The following HTRA3 variants were observed in gnomAD, a reference collection of about 807,000 sequenced individuals.
HTRA3 encodes HtrA serine peptidase 3.
A neutral mutation model predicts 43.2 loss-of-function variants in HTRA3; 41 were observed. The ratio of observed to expected loss-of-function variants is 0.95; its 90% CI spans 0.74 to 1.23. HTRA3 has a LOEUF of 1.23. HTRA3 is among the 50% of genes most tolerant of loss of function. The pLI is 0.00. For synonymous variants in HTRA3, 295 were observed against 287.9 expected (o/e 1.02, Z -0.25); for missense variants, 628 against 647.1 (o/e 0.97, Z 0.32).
chr4:8,300,740 T>G (rs546839057), intron 6 of HTRA3, among the ~76,000 whole-genome samples: 1 of 152,098 alleles, frequency 6.6e-6, no homozygotes, highest in Non-Finnish European at 1.5e-5. Flanking sequence ...TGATTTACAC[T>G]CTTCATTGAT....
At chr4:8,281,943 G>A (rs1358747634) in intron 1 of HTRA3, among the ~76,000 whole-genome samples, 1 of 152,206 alleles carries the variant, frequency 6.6e-6, no homozygotes, top group Non-Finnish European at 1.5e-5. Flanking sequence ...TCACCTGGGG[G>A]TCTTCCACTA....
At chr4:8,304,582 G>A (rs1293686862) in intron 8 of HTRA3, among the ~76,000 whole-genome samples, 2 of 151,690 alleles carry the variant, frequency 1.3e-5, no homozygotes, top group African/African-American at 2.4e-5. Context: ...GACCAGCCTG[G>A]GTCCTGGGTC....
chr4:8,288,928 T>TCCTTCCTC (rs1336656138), intron 3 of HTRA3, among the ~76,000 whole-genome samples: 3 of 143,374 alleles, frequency 2.1e-5, no homozygotes, highest in Non-Finnish European at 4.5e-5. Context: ...CTTCCTTCCT[T>TCCTTCCTC]CCTTCCTCCC....
At chr4:8,293,118 G>A (rs1262125385) in intron 5 of HTRA3, among the ~76,000 whole-genome samples, 1 of 152,222 alleles carries the variant, frequency 6.6e-6, no homozygotes, top group Non-Finnish European at 1.5e-5. Flanking sequence ...ACAATGAAAG[G>A]GGCTGGTGGC....
Position 8,294,098 on chromosome 4 carries a change from C to G in HTRA3, c.948C>G (p.Val316=), listed in dbSNP as rs1337494996. ...ACCTCCCTGCCCAGGATGGCGAGGT[C>G]ATTGGCATCAACACGCTCAAGGTCA... ...GGPLVNLDGE[V]IGINTLKVTA... The change falls in exon 6 of 9, where the codon GTC becomes GTG. Residue 316 remains valine (V), a synonymous_variant. Coordinates refer to ENST00000307358, the MANE Select transcript of HTRA3 (RefSeq NM_053044.5). 6.2e-7 allele frequency: 1 copy of G among 1,610,118 alleles called. No homozygotes were observed. The highest frequency in any genetic ancestry group is 1.7e-5 in the Admixed American group (1 of 59,710).
At chr4:8,270,434 G>A (rs1712222721) in intron 1 of HTRA3, 81 bp downstream of exon 1, 1 of 1,339,918 alleles carries the variant, frequency 7.5e-7, no homozygotes, top group Admixed American at 4.1e-5. Flanking sequence ...CCGAGCTCGA[G>A]GTCGCCCTTC....
intron 7 of HTRA3, among the ~76,000 whole-genome samples, chr4:8,302,759 G>A (rs1277593660): frequency 6.6e-6 from 1 of 152,206 alleles, no homozygotes; most frequent in African/African-American, 2.4e-5. Context: ...ATTACTATAA[G>A]CCTGGTGGCT....
intron 1 of HTRA3, among the ~76,000 whole-genome samples, chr4:8,277,403 C>T (rs946945830): frequency 2.0e-5 from 3 of 152,168 alleles, no homozygotes; most frequent in South Asian, 4.1e-4. Flanking sequence ...CCCACTGCAG[C>T]GGGCCAGGTC....
chr4:8,291,376 C>G lies in HTRA3; in HGVS notation c.715C>G (p.Leu239Val). The change falls in exon 4 of 9, where the codon CTC becomes GTC. Residue 239 changes from leucine (L) to valine (V), a missense_variant. Leu to Val is a conservative substitution (Grantham distance 32). Transcript: ENST00000307358. ...ATIKIHPKKK[L>V]PVLLLGHSAD... ...TTCTCCTTCTCTCTCCTAGAAAAAG[C>G]TCCCTGTGTTGTTGCTGGGTCACTC... The G allele has an allele frequency of 6.2e-7, 1 of 1,613,398 alleles. No individual in the cohort carries two copies. The highest frequency in any genetic ancestry group is 1.1e-5 in the South Asian group (1 of 91,086).
chr4:8,300,677 T>G (rs1713604119), intron 6 of HTRA3, among the ~76,000 whole-genome samples: 1 of 152,196 alleles, frequency 6.6e-6, no homozygotes, highest in African/African-American at 2.4e-5. Flanking sequence ...TCAGCTTTAT[T>G]TTTTATTTTC....
rs1713431349 is a variant in HTRA3 at position 8,295,754 on chromosome 4, G to GA, written c.1051+1554dup. ...TTCCTCACGTTTCCCCCTCCTCCAT[G>GA]ACCCCGTCAGCCAAGCACATGGACC... On this transcript the variant is annotated intron_variant, in intron 6 of 8. Coordinates refer to ENST00000307358, the MANE Select transcript of HTRA3 (RefSeq NM_053044.5). This position sits in a 1 kb window ranked among gnomAD's most constrained non-coding sequence, Gnocchi z 6.9. 1.5e-6 allele frequency: 2 copies of GA among 1,312,618 alleles called. No homozygotes were observed. Among genetic ancestry groups the GA allele is most frequent in the African/African-American group, 3.0e-5 (2 of 65,998 alleles). The allele number at this position is 1,312,618 out of a possible 1,614,324, so 81.3% of individuals were successfully genotyped here.
At chr4:8,292,281 C>T (rs776907841) in intron 4 of HTRA3, 40 bp from the exon 5 acceptor site, 11 of 1,597,120 alleles carry the variant, frequency 6.9e-6, no homozygotes, top group East Asian at 6.7e-5. Flanking sequence ...AAGCCTCAGG[C>T]GGGGTCAGGC....
Position 8,306,101 on chromosome 4 carries a change from C to A in HTRA3, c.1327C>A (p.Leu443Ile), listed in dbSNP as rs372996996. 75 of 1,605,196 alleles carry A rather than the reference C, an allele frequency of 4.7e-5. No homozygotes were observed. Among genetic ancestry groups the A allele is most frequent in the Non-Finnish European group, 1.0e-5 (12 of 1,174,492 alleles). The change falls in exon 9 of 9, where the codon CTC becomes ATC. Residue 443 changes from leucine to isoleucine, a missense_variant. Coordinates refer to ENST00000307358, the MANE Select transcript of HTRA3 (RefSeq NM_053044.5). This position sits in a 1 kb window ranked among gnomAD's most constrained non-coding sequence, Gnocchi z 8.9. ...GGAGGTGCGGCGGGGGAACGACGAC[C>A]TCCTCTTCAGCATCGCACCTGAGGT... The part of the protein sequence containing the change: ...LLEVRRGNDD[L>I]LFSIAPEVVM
intron 1 of HTRA3, among the ~76,000 whole-genome samples, chr4:8,274,211 C>T (rs557721981): frequency 1.6e-4 from 24 of 152,380 alleles, no homozygotes; most frequent in Admixed American, 1.4e-3. Context: ...GTCTCTTTCC[C>T]ACCTCGAGGC....
In HTRA3 at chr4:8,296,100, C is replaced by T; in HGVS notation, c.1051+1899C>T. The T allele has an allele frequency of 9.8e-7, 1 of 1,022,146 alleles. No individual in the cohort carries two copies. Among genetic ancestry groups the T allele is most frequent in the Non-Finnish European group, 1.2e-6 (1 of 854,590 alleles). The allele number at this position is 1,022,146 out of a possible 1,614,324, so 63.3% of individuals were successfully genotyped here. On this transcript the variant is annotated intron_variant, in intron 6 of 8. Transcript: ENST00000307358. This position sits in a 1 kb window ranked among gnomAD's most constrained non-coding sequence, Gnocchi z 5.3. ...TCTCCATGGGTGCCTTTGACTTTGG[C>T]CTCCTTACTGGAAATTAGCGGAGCT...
At chr4:8,278,271 C>T (rs986986720) in intron 1 of HTRA3, among the ~76,000 whole-genome samples, 3 of 151,980 alleles carry the variant, frequency 2.0e-5, no homozygotes, top group African/African-American at 7.3e-5. Context: ...TGCCCTGTTG[C>T]GCCCCTTCCT....
At chr4:8,282,820 C>T (rs372631481) in intron 2 of HTRA3, among the ~76,000 whole-genome samples, 2 of 152,370 alleles carry the variant, frequency 1.3e-5, no homozygotes, top group African/African-American at 2.4e-5. Context: ...TGGATACATG[C>T]AATGTGTTGG....
chr4:8,305,902 C>T, intron 8 of HTRA3, 69 bp from the exon 9 acceptor site: 2 of 1,578,482 alleles, frequency 1.3e-6, no homozygotes, highest in Non-Finnish European at 1.7e-6. Flanking sequence ...GTGCCTCGCT[C>T]TGGGCCGGGC....
intron 5 of HTRA3, among the ~76,000 whole-genome samples, 184 bp from the exon 6 acceptor site, chr4:8,293,903 T>C (rs1713340008): frequency 6.6e-6 from 1 of 151,682 alleles, no homozygotes; most frequent in African/African-American, 2.4e-5. Context: ...CTCCAGGATT[T>C]GGAGAGGTAG....
Sources: allele counts gnomAD v4.1 joint callset (sites outside exome capture counted in the v4.1 genomes callset), GRCh38; gene constraint gnomAD v4.1.1; non-coding constraint Gnocchi (gnomAD v3.1); transcripts MANE v1.5; gene names NCBI Gene and HGNC (gene_info 2026-07-23, HGNC 2026-07-21).